Variants in CCDC187 observed in about 807,000 individuals in gnomAD.
CCDC187 encodes the protein coiled-coil domain containing 187, also known as coiled-coil domain-containing protein 187.
Under a neutral mutation model 38.0 loss-of-function variants are expected in CCDC187, and 32 were observed. The ratio of observed to expected loss-of-function variants is 0.84; its 90% CI spans 0.64 to 1.13. The LOEUF (loss-of-function observed/expected upper bound fraction) is 1.13. Ranked by LOEUF, CCDC187 falls within the 50% of genes most tolerant of loss-of-function variation. The pLI is 0.00. For synonymous variants in CCDC187, 333 were observed against 347.9 expected (o/e 0.96, Z 0.48); for missense variants, 707 against 786.8 (o/e 0.90, Z 1.21).
At chr9:136,260,739 C>T (rs1830669398) in intron 19 of CCDC187, among the ~76,000 whole-genome samples, 1 of 152,226 alleles carries the variant, frequency 6.6e-6, no homozygotes, top group Non-Finnish European at 1.5e-5. Context: ...CCAAGGGTGC[C>T]CCTGAGCATT....
In CCDC187 at chr9:136,264,913, T is replaced by C. The variant is rs1339029519; in HGVS notation, c.3735+1043A>G. ...TGGGACTATAGGCATTGGCCACCTATAGTGGCAGATTTATTTTTTGTAGAG... is the reference window on the plus strand; with the variant it reads ...TGGGACTATAGGCATTGGCCACCTACAGTGGCAGATTTATTTTTTGTAGAG... On this transcript the variant is annotated intron_variant, in intron 17 of 25. Coordinates refer to ENST00000638797, the MANE Select transcript of CCDC187 (RefSeq NM_001378188.1). The surrounding 1 kb of genome is among the most constrained non-coding windows in gnomAD (Gnocchi z 4.3). Among the ~76,000 whole-genome samples the C allele has an allele frequency of 2.6e-5, 4 of 152,122 alleles. No homozygotes were observed. Among genetic ancestry groups the C allele is most frequent in the African/African-American group, 7.2e-5 (3 of 41,422 alleles).
chr9:136,293,016 G>GCCCCACCAT (rs1831373396), intron 4 of CCDC187, among the ~76,000 whole-genome samples: 1 of 152,252 alleles, frequency 6.6e-6, no homozygotes, highest in Non-Finnish European at 1.5e-5. Context: ...AGCCCCACCA[G>GCCCCACCAT]CCCCGTGGGC....
chr9:136,268,996 G>A (rs1466459616), intron 14 of CCDC187, among the ~76,000 whole-genome samples: 1 of 152,216 alleles, frequency 6.6e-6, no homozygotes, highest in East Asian at 1.9e-4. Flanking sequence ...GGGGCAGAGT[G>A]TCAGAGAGGA....
At chr9:136,282,103 A>G (rs1831059018) in intron 9 of CCDC187, among the ~76,000 whole-genome samples, 1 of 152,228 alleles carries the variant, frequency 6.6e-6, no homozygotes, top group Non-Finnish European at 1.5e-5. Flanking sequence ...CAGCGTGGTC[A>G]TCGGGACCAT....
At position 136,263,661 on chromosome 9, in the gene CCDC187, G is replaced by GA; in HGVS notation, c.3872dup (p.Ala1293SerfsTer67). The GA allele has an allele frequency of 1.0e-6, 1 of 985,496 alleles. No homozygotes were observed. Among genetic ancestry groups the GA allele is most frequent in the Non-Finnish European group, 1.2e-6 (1 of 829,950 alleles). The allele number at this position is 985,496 out of a possible 1,614,324, so 61.0% of individuals were successfully genotyped here. A position where few individuals can be genotyped will look rare whatever the true frequency, so the allele number is the denominator to read the frequency against. ...CCTGGGCCTGCAGCTCGTGCGCTGG[G>GA]ACGACGTCCGTGGGCCCCGGGATGG... On this transcript the variant is annotated frameshift_variant, in exon 18 of 26. Coordinates refer to ENST00000638797, the MANE Select transcript of CCDC187 (RefSeq NM_001378188.1). LOFTEE classifies it high-confidence loss of function.
At chr9:136,255,221 A>G in intron 25 of CCDC187, 87 bp from the exon 26 acceptor site, 1 of 610,336 alleles carries the variant, frequency 1.6e-6, no homozygotes, top group Non-Finnish European at 2.1e-6. Flanking sequence ...GGAGGTCAGA[A>G]CAGAGAAACA....
At position 136,278,438 on chromosome 9, in the gene CCDC187, C is replaced by T. The variant is rs898006159; in HGVS notation, c.3041-1711G>A. Among the ~76,000 whole-genome samples, 24 of 152,344 alleles carry T rather than the reference C, an allele frequency of 1.6e-4. No homozygotes were observed. In the East Asian group the frequency reaches 2.9e-3, roughly 18 times the overall value. ...AAGCGAGCCGTCCCCGAGCTGGGCA[C>T]GGCCCTGGCTGGACAGAGACTGCAG... On this transcript the variant is annotated intron_variant, in intron 10 of 25. Coordinates refer to ENST00000638797, the MANE Select transcript of CCDC187 (RefSeq NM_001378188.1).
Position 136,258,541 on chromosome 9 carries a change from G to A in CCDC187, c.4366+391C>T, listed in dbSNP as rs1431709989. Among the ~76,000 whole-genome samples, 3 of 143,832 alleles carry A rather than the reference G, an allele frequency of 2.1e-5. No homozygotes were observed. The highest frequency in any genetic ancestry group is 5.0e-5 in the African/African-American group (2 of 40,358). 94.4% of individuals were successfully genotyped at this position (143,832 alleles called of 152,430 possible). On this transcript the variant is annotated intron_variant, in intron 22 of 25. Transcript: ENST00000638797. This position sits in a 1 kb window ranked among gnomAD's most constrained non-coding sequence, Gnocchi z 4.3. Reference sequence around the variant, plus strand: ...CCTGCAAATTGGGGACTTGGCTCTCGGGGGGGGCCCCGGCCAAGTGTAAGG... The same window carrying A: ...CCTGCAAATTGGGGACTTGGCTCTCAGGGGGGGCCCCGGCCAAGTGTAAGG...
intron 19 of CCDC187, among the ~76,000 whole-genome samples, chr9:136,261,359 T>A (rs1830676949): frequency 6.6e-6 from 1 of 152,152 alleles, no homozygotes; most frequent in African/African-American, 2.4e-5. Flanking sequence ...TTTCTCTATT[T>A]TCTAGCTGTG....
At chr9:136,266,161 G>T in intron 16 of CCDC187, 118 bp from the exon 17 acceptor site, 1 of 461,466 alleles carries the variant, frequency 2.2e-6, no homozygotes, top group Non-Finnish European at 2.8e-6. Flanking sequence ...CTCCCAAGGT[G>T]CAGGCACCAG....
At chr9:136,267,804 G>A in intron 15 of CCDC187, 1 of 964,404 alleles carries the variant, frequency 1.0e-6, no homozygotes, top group Non-Finnish European at 1.2e-6. Flanking sequence ...CAACCTGGGC[G>A]GGGGCTAACC....
chr9:136,265,918 C>A, intron 17 of CCDC187, 38 bp downstream of exon 17: 1 of 952,666 alleles, frequency 1.0e-6, no homozygotes, highest in South Asian at 4.8e-5. Flanking sequence ...CCTCTGTGAG[C>A]CGCCCACCCT....
chr9:136,278,919 C>G (rs1051844210), intron 10 of CCDC187, among the ~76,000 whole-genome samples: 22 of 152,264 alleles, frequency 1.4e-4, no homozygotes, highest in African/African-American at 4.8e-4. Flanking sequence ...GGAACATTTC[C>G]CTCATTGCAG....
chr9:136,293,358 CAT>C lies in CCDC187; in HGVS notation c.833-1065_833-1064del, dbSNP rs1390679702. Among the ~76,000 whole-genome samples, 55 of 144,280 alleles carry C rather than the reference CAT, an allele frequency of 3.8e-4. 1 individual carries two copies. In the East Asian group the frequency reaches 4.8e-3, roughly 12 times the overall value. 94.7% of individuals were successfully genotyped at this position (144,280 alleles called of 152,430 possible). ...ACACTCACACTCACATGCTCACACA[CAT>C]TCACATGCTCACACACTCACACTCA... On this transcript the variant is annotated intron_variant, in intron 4 of 25. Transcript: ENST00000638797.
At position 136,254,590 on chromosome 9, in the gene CCDC187, G is replaced by C. The variant is rs956084844; in HGVS notation, c.5238C>G (p.Pro1746=). The change falls in exon 26 of 26, where the codon CCC becomes CCG. Residue 1746 remains proline (P), a synonymous_variant. Transcript: ENST00000638797. ...ACAGCTCTGACCCTGACCTTGGAGA[G>C]GGGATGTCTGGGAAAGGCAGTAGCC... is the stretch of plus-strand genomic sequence containing the variant. ...AGWLLPFPDI[P]SPRSGSELSE... 39 of 985,420 alleles carry C rather than the reference G, an allele frequency of 4.0e-5. No homozygotes were observed. In the East Asian group the frequency reaches 6.8e-4, roughly 17 times the overall value. The allele number at this position is 985,420 out of a possible 1,614,324, so 61.0% of individuals were successfully genotyped here.
At chr9:136,293,920 ACACACTCCCTCGTGCTCTCC>A (rs1831456770) in intron 4 of CCDC187, among the ~76,000 whole-genome samples, 1 of 148,824 alleles carries the variant, frequency 6.7e-6, no homozygotes, top group East Asian at 1.9e-4. Flanking sequence ...ACACTCATAT[ACACACTCCCTCGTGCTCTCC>A]CACACACACA....
Position 136,253,642 on chromosome 9 carries a change from C to T in CCDC187, c.6186G>A (p.Leu2062=). ...GGGGCCCAGGAAACAGTCCCTCCGG[C>T]AGACTCTCCTCAGACAAGGAGGACA... ...QDLSSLSEES[L]PEGLFPGPQG... Residue 2062 remains leucine, a synonymous_variant, in exon 26 of 26, where the codon CTG becomes CTA. Coordinates refer to ENST00000638797, the MANE Select transcript of CCDC187 (RefSeq NM_001378188.1). 1 of 985,552 alleles carries T rather than the reference C, an allele frequency of 1.0e-6. No individual in the cohort carries two copies. The highest frequency in any genetic ancestry group is 1.7e-5 in the African/African-American group (1 of 57,362). 61.1% of individuals were successfully genotyped at this position (985,552 alleles called of 1,614,324 possible).
At chr9:136,280,405 G>A (rs1423480651) in intron 10 of CCDC187, among the ~76,000 whole-genome samples, 6 of 152,290 alleles carry the variant, frequency 3.9e-5, no homozygotes, top group Non-Finnish European at 7.4e-5. Flanking sequence ...AGTCTCCCAG[G>A]GGAGGGGCCG....
chr9:136,286,288 G>T lies in CCDC187; in HGVS notation c.2630C>A (p.Thr877Asn). ...GCAGGCTGGGGTGGCAAGCGTGGGG[G>T]TGGCGAGCGTGGGGGCGGCAGGTAG... ...HSLPAAPTLATPTLATPACPG... is the reference protein window; with the variant it reads ...HSLPAAPTLANPTLATPACPG... Residue 877 changes from threonine (T) to asparagine (N), a missense_variant, in exon 8 of 26, where the codon ACC becomes AAC. By Grantham distance (65) the Thr-to-Asn change is moderately conservative. Coordinates refer to ENST00000638797, the MANE Select transcript of CCDC187 (RefSeq NM_001378188.1). The T allele has an allele frequency of 5.0e-6, 2 of 398,652 alleles. No individual in the cohort carries two copies. Among genetic ancestry groups the T allele is most frequent in the Non-Finnish European group, 8.8e-6 (2 of 226,086 alleles). The allele number at this position is 398,652 out of a possible 1,614,324, so 24.7% of individuals were successfully genotyped here. A position where few individuals can be genotyped will look rare whatever the true frequency, so the allele number is the denominator to read the frequency against.
Sources: gnomAD v4.1 joint callset for allele counts (sites outside exome capture counted in the v4.1 genomes callset) on GRCh38, gnomAD v4.1.1 for gene constraint, Gnocchi (gnomAD v3.1) non-coding constraint, MANE v1.5 for transcripts, NCBI Gene and HGNC (gene_info 2026-07-23, HGNC 2026-07-21) for gene names.